CCDC171: variants seen among roughly 807,000 people sequenced by gnomAD.
CCDC171 encodes the protein coiled-coil domain containing 171, also known as coiled-coil domain-containing protein 171.
A neutral mutation model predicts 168.2 loss-of-function variants in CCDC171; 177 were observed. That is an observed-to-expected ratio of 1.05 (90% CI 0.93 to 1.19). The LOEUF (loss-of-function observed/expected upper bound fraction) is 1.19. CCDC171 is among the 50% of genes most tolerant of loss of function. The pLI, the probability that CCDC171 is intolerant of heterozygous loss-of-function variation, is 0.00. For synonymous variants in CCDC171, 687 were observed against 540.8 expected, an observed-to-expected ratio of 1.27 and a Z score of -3.75; for missense variants, 1,991 against 1,539.0, an observed-to-expected ratio of 1.29 and a Z score of -4.91.
intron 24 of CCDC171, among the ~76,000 whole-genome samples, chr9:15,918,692 T>C (rs562638077): frequency 2.6e-5 from 4 of 151,758 alleles, no homozygotes; most frequent in Admixed American, 6.6e-5. Context: ...TATGTAGTGT[T>C]GGTTAATAAA....
At chr9:15,738,449 T>C (rs4741537) in intron 16 of CCDC171, among the ~76,000 whole-genome samples, 144,098 of 152,228 alleles carry the variant, frequency 0.95, 68,247 homozygotes, top group East Asian at 1. Context: ...TTTTTCTTCA[T>C]GATCGGAATG....
chr9:16,075,461 G>A, the CCDC171 span, among the ~76,000 whole-genome samples: 1 of 152,136 alleles, frequency 6.6e-6, no homozygotes, highest in Non-Finnish European at 1.5e-5. Context: ...TTCATGTAGT[G>A]TAAGTTGCTC....
At chr9:15,981,785 C>G (rs749963715) in intron 3 of CCDC171, among the ~76,000 whole-genome samples, 14 of 152,164 alleles carry the variant, frequency 9.2e-5, no homozygotes, top group Non-Finnish European at 1.9e-4. Flanking sequence ...CTCCGTCTGT[C>G]TCTTTTCCAT....
intron 4 of CCDC171, chr9:15,588,595 C>T (rs908298371): frequency 1.3e-5 from 4 of 301,810 alleles, no homozygotes; most frequent in South Asian, 4.3e-5. Context: ...GGAAGCTCAG[C>T]GTGCTGGAGA....
At chr9:15,837,347 T>A (rs2060496052) in intron 21 of CCDC171, among the ~76,000 whole-genome samples, 1 of 152,226 alleles carries the variant, frequency 6.6e-6, no homozygotes, top group Non-Finnish European at 1.5e-5. Context: ...TACAGAGGGA[T>A]CAGAAGTGTA....
chr9:15,805,635 A>G (rs559707860), intron 21 of CCDC171, among the ~76,000 whole-genome samples: 2 of 152,054 alleles, frequency 1.3e-5, no homozygotes, highest in East Asian at 1.9e-4. Context: ...GTTCTTTTGC[A>G]TTTGCATTTG....
chr9:16,067,646 G>A, the CCDC171 span, among the ~76,000 whole-genome samples: 1 of 152,178 alleles, frequency 6.6e-6, no homozygotes, highest in South Asian at 2.1e-4. Context: ...TGTATAAGGT[G>A]TAAGGAAGGG....
intron 24 of CCDC171, among the ~76,000 whole-genome samples, chr9:15,900,125 C>A (rs1821420825): frequency 6.6e-6 from 1 of 152,130 alleles, no homozygotes; most frequent in Non-Finnish European, 1.5e-5. Flanking sequence ...AGTCTTCTCC[C>A]CTCGATGGTG....
intron 25 of CCDC171, among the ~76,000 whole-genome samples, chr9:15,945,924 C>G (rs1175850655): frequency 6.6e-6 from 1 of 150,552 alleles, no homozygotes; most frequent in African/African-American, 2.4e-5. Flanking sequence ...GTTGCCATTG[C>G]TTTTGGTGTT....
chr9:15,628,077 T>A (rs2045321583), intron 7 of CCDC171, among the ~76,000 whole-genome samples: 1 of 152,164 alleles, frequency 6.6e-6, no homozygotes, highest in Non-Finnish European at 1.5e-5. Flanking sequence ...ACAGCTGCTG[T>A]CTACAGCTCC....
In CCDC171 at chr9:15,666,335, A is replaced by T; in HGVS notation, c.1076+12A>T. The T allele has an allele frequency of 6.3e-7, 1 of 1,575,200 alleles. No individual in the cohort carries two copies. Among genetic ancestry groups the T allele is most frequent in the African/African-American group, 1.4e-5 (1 of 73,532 alleles). The stretch of plus-strand genomic sequence containing the variant: ...GCAAAACTAAATTTGTAAGTATTCT[A>T]TTGTAAAATTCTCTAAATTAACATA... On this transcript the variant is annotated intron_variant, in intron 9 of 25. Transcript: ENST00000380701.
intron 21 of CCDC171, among the ~76,000 whole-genome samples, chr9:15,794,998 AAC>A (rs1466908260): frequency 6.6e-6 from 1 of 152,212 alleles, no homozygotes; most frequent in African/African-American, 2.4e-5. Context: ...TCCCACTCCA[AAC>A]ACAGAGAGTG....
intron 15 of CCDC171, among the ~76,000 whole-genome samples, chr9:15,729,146 C>T (rs937982213): frequency 1.1e-4 from 17 of 152,114 alleles, no homozygotes; most frequent in Admixed American, 8.5e-4. Context: ...CCTTAATAGT[C>T]ATACATTTTA....
intron 18 of CCDC171, among the ~76,000 whole-genome samples, chr9:15,757,487 T>C (rs1282018004): frequency 6.6e-6 from 1 of 152,196 alleles, no homozygotes; most frequent in Non-Finnish European, 1.5e-5. Flanking sequence ...CATTTAGTTT[T>C]ATAAGAGAAG....
rs2042002528 is a variant in CCDC171, at chr9:15,591,456, T to G, written c.443T>G (p.Phe148Cys). 1 of 1,608,408 alleles carries G rather than the reference T, an allele frequency of 6.2e-7. No individual in the cohort carries two copies. The highest frequency in any genetic ancestry group is 8.5e-7 in the Non-Finnish European group (1 of 1,176,738). Residue 148 changes from phenylalanine to cysteine, a missense_variant, in exon 5 of 26, where the codon TTT becomes TGT. Transcript: ENST00000380701. ...AAATGGAAAGAAGAATGCAGAAGAT[T>G]TGAACATGATTTGGAGGAAAGAGAC... The part of the protein sequence containing the change: ...QQKWKEECRR[F>C]EHDLEERDNM...
rs976768299 is a variant in CCDC171 at position 15,749,048 on chromosome 9, T to C, written c.2671+3417T>C. Reference sequence around the variant, plus strand: ...AATTGGATAAAGAGTCAAGACCCATTGGTGTGCTGTATTCAGGAGACCCAT... The same window carrying C: ...AATTGGATAAAGAGTCAAGACCCATCGGTGTGCTGTATTCAGGAGACCCAT... On this transcript the variant is annotated intron_variant, in intron 18 of 25. Coordinates refer to ENST00000380701, the MANE Select transcript of CCDC171 (RefSeq NM_173550.4). Among the ~76,000 whole-genome samples, 3 of 151,942 alleles carry C rather than the reference T, an allele frequency of 2.0e-5. No individual in the cohort carries two copies. The South Asian group carries it at 6.2e-4, about 32-fold the overall frequency.
chr9:16,017,867 G>A (rs570171589), intron 3 of CCDC171, among the ~76,000 whole-genome samples: 22 of 152,256 alleles, frequency 1.4e-4, no homozygotes, highest in Non-Finnish European at 2.8e-4. Flanking sequence ...GAGCAGCACC[G>A]CAGCACTGGG....
the CCDC171 span, among the ~76,000 whole-genome samples, chr9:16,097,330 T>C: frequency 6.6e-6 from 1 of 152,246 alleles, no homozygotes; most frequent in Non-Finnish European, 1.5e-5. Context: ...TTATGGTTTG[T>C]ATATGCTAGT....
chr9:16,021,204 C>T (rs533532245), intron 4 of CCDC171, among the ~76,000 whole-genome samples: 18 of 152,292 alleles, frequency 1.2e-4, no homozygotes, highest in Middle Eastern at 3.4e-3. Context: ...TCTCCTGCCT[C>T]AGCCTCCCGA....
Sources: gnomAD v4.1 joint callset for allele counts (sites outside exome capture counted in the v4.1 genomes callset) on GRCh38, gnomAD v4.1.1 for gene constraint, MANE v1.5 for transcripts, NCBI Gene and HGNC (gene_info 2026-07-23, HGNC 2026-07-21) for gene names.